Variants in OR56A3 observed in about 807,000 individuals in gnomAD.
OR56A3 encodes the protein olfactory receptor 56A3.
A neutral mutation model predicts 17.5 loss-of-function variants in OR56A3; 23 were observed. The ratio of observed to expected loss-of-function variants is 1.32; its 90% CI spans 0.95 to 1.87. OR56A3 has a LOEUF of 1.87. Among genes scored for constraint, OR56A3 ranks in the 40% most tolerant of loss-of-function variants. The probability of loss-of-function intolerance (pLI) is 0.00; values close to 1 mark genes in which losing one functional copy is unlikely to be tolerated. For synonymous variants in OR56A3, 175 were observed against 150.6 expected (o/e 1.16, Z -1.19); for missense variants, 366 against 380.1 (o/e 0.96, Z 0.31).
chr11:5,969,878 A>T, the OR56A3 span, among the ~76,000 whole-genome samples: 4 of 152,142 alleles, frequency 2.6e-5, no homozygotes, highest in Non-Finnish European at 4.4e-5. Context: ...TGAGGATGAG[A>T]AAAATGGGCA....
chr11:6,002,514 A>T, the OR56A3 span: 102 of 1,614,134 alleles, frequency 6.3e-5, no homozygotes, highest in Non-Finnish European at 8.3e-5. Flanking sequence ...GGGAACAGGA[A>T]GAGAAACAAA....
Position 5,951,347 on chromosome 11 carries a change from T to C in OR56A3, c.*3053T>C, listed in dbSNP as rs1241690424. ...TCATTAAATTTTTCTTTACATCATT[T>C]ACACACACATAGATCTGAGTATTTG... On this transcript the variant is annotated 3_prime_UTR_variant, in exon 3 of 3. Transcript: ENST00000641160. The C allele has an allele frequency of 1.3e-5, 2 of 152,186 alleles. No homozygotes were observed. Among genetic ancestry groups the C allele is most frequent in the Non-Finnish European group, 2.9e-5 (2 of 68,018 alleles). 9.4% of individuals were successfully genotyped at this position (152,186 alleles called of 1,614,324 possible).
chr11:5,952,324 A>G (rs1847912419), downstream of OR56A3, among the ~76,000 whole-genome samples: 1 of 152,174 alleles, frequency 6.6e-6, no homozygotes, highest in Non-Finnish European at 1.5e-5. Context: ...CTTTTGAGCC[A>G]AAGCAGGAAC....
the OR56A3 span, chr11:6,002,665 A>T: frequency 1.2e-6 from 2 of 1,614,240 alleles, no homozygotes; most frequent in Non-Finnish European, 1.7e-6. Flanking sequence ...ATGGTCAAAA[A>T]ACTGTTCATG....
At chr11:5,995,102 G>A in the OR56A3 span, 4 of 593,338 alleles carry the variant, frequency 6.7e-6, no homozygotes, top group Non-Finnish European at 9.2e-6. Context: ...CTGGGCGGCT[G>A]GACGCAGCCC....
chr11:5,946,665 A>G (rs1352790569), intron 2 of OR56A3, among the ~76,000 whole-genome samples: 1 of 152,248 alleles, frequency 6.6e-6, no homozygotes, highest in Non-Finnish European at 1.5e-5. Flanking sequence ...GGAAGCCTAA[A>G]AATATGAACA....
At chr11:6,001,601 C>G in the OR56A3 span, 4 of 155,850 alleles carry the variant, frequency 2.6e-5, no homozygotes, top group African/African-American at 7.2e-5. Flanking sequence ...GGACTTAACC[C>G]AAGCCATGCC....
At chr11:5,970,849 T>C in the OR56A3 span, among the ~76,000 whole-genome samples, 1 of 152,216 alleles carries the variant, frequency 6.6e-6, no homozygotes, top group Non-Finnish European at 1.5e-5. Flanking sequence ...TTATTTCATG[T>C]TGTTTTTACA....
At chr11:5,958,983 G>A in the OR56A3 span, among the ~76,000 whole-genome samples, 1 of 152,164 alleles carries the variant, frequency 6.6e-6, no homozygotes, top group Non-Finnish European at 1.5e-5. Context: ...TGGCTGAATA[G>A]TATTTCATTA....
the OR56A3 span, among the ~76,000 whole-genome samples, chr11:5,990,757 T>G: frequency 2.6e-5 from 4 of 152,092 alleles, no homozygotes; most frequent in African/African-American, 9.7e-5. Context: ...ACAACATGGA[T>G]AATAAAGTAA....
Position 5,950,027 on chromosome 11 carries a change from C to T in OR56A3, c.*1733C>T, listed in dbSNP as rs1847898706. ...TTTCAACATAAGAAAAATGGCTTGACTTGAAATGTGAATAACCGTATACCA... is the reference window on the plus strand; with the variant it reads ...TTTCAACATAAGAAAAATGGCTTGATTTGAAATGTGAATAACCGTATACCA... On this transcript the variant is annotated 3_prime_UTR_variant, in exon 3 of 3. Transcript: ENST00000641160. 1 of 152,076 alleles carries T rather than the reference C, an allele frequency of 6.6e-6. No homozygotes were observed. The highest frequency in any genetic ancestry group is 2.1e-4 in the South Asian group (1 of 4,828). The allele number at this position is 152,076 out of a possible 1,614,324, so 9.4% of individuals were successfully genotyped here.
At chr11:6,005,729 C>T in the OR56A3 span, among the ~76,000 whole-genome samples, 1 of 152,304 alleles carries the variant, frequency 6.6e-6, no homozygotes, top group Admixed American at 6.5e-5. Context: ...GAGGTGGCAC[C>T]TTCTCATTGT....
intron 1 of OR56A3, among the ~76,000 whole-genome samples, chr11:5,944,194 T>G (rs763698157): frequency 5.9e-5 from 9 of 152,118 alleles, no homozygotes; most frequent in Non-Finnish European, 1.0e-4. Flanking sequence ...ATGGCAAAAA[T>G]ATTAGAAAAG....
At chr11:5,977,543 C>T in the OR56A3 span, among the ~76,000 whole-genome samples, 171 of 152,236 alleles carry the variant, frequency 1.1e-3, no homozygotes, top group African/African-American at 3.9e-3. Context: ...GCCATTTGCT[C>T]ATTTTTTAAT....
chr11:5,979,417 A>G, the OR56A3 span, among the ~76,000 whole-genome samples: 3 of 151,988 alleles, frequency 2.0e-5, no homozygotes, highest in Admixed American at 2.0e-4. Context: ...TGGTCTGTGC[A>G]GGGTTTCAAT....
the OR56A3 span, chr11:6,006,411 T>C: frequency 6.6e-6 from 1 of 152,216 alleles, no homozygotes; most frequent in Admixed American, 6.5e-5. Context: ...AGACTGATAT[T>C]CACAAAGGAG....
At chr11:5,967,767 G>A in the OR56A3 span, 11 of 1,598,186 alleles carry the variant, frequency 6.9e-6, no homozygotes, top group Non-Finnish European at 9.4e-6. Context: ...GGAACCACAA[G>A]TACCTAGAGC....
the OR56A3 span, among the ~76,000 whole-genome samples, chr11:6,014,989 CA>C: frequency 0.035 from 1,233 of 35,100 alleles, 4 homozygotes; most frequent in Middle Eastern, 0.11. Context: ...TATTCATGGG[CA>C]AAAAAAAAAA....
rs756689477 is a variant in OR56A3, at chr11:5,947,485, A to G, written c.139A>G (p.Thr47Ala). Residue 47 changes from threonine (T) to alanine (A), a missense_variant, in exon 3 of 3, where the codon ACC becomes GCC. Physicochemically the swap from Thr to Ala is moderately conservative, Grantham distance 58 (BLOSUM62 0). Transcript: ENST00000641160. ...TTTCCTCTTGGCCGTAGGGGCCAACACCACCCTCCTGATGACCATCTGGCT... is the reference window on the plus strand; with the variant it reads ...TTTCCTCTTGGCCGTAGGGGCCAACGCCACCCTCCTGATGACCATCTGGCT... ...LLFLLAVGAN[T>A]TLLMTIWLEA... 1 of 1,613,814 alleles carries G rather than the reference A, an allele frequency of 6.2e-7. No individual in the cohort carries two copies. Among genetic ancestry groups the G allele is most frequent in the South Asian group, 1.1e-5 (1 of 91,056 alleles).
Sources: gnomAD v4.1 joint callset for allele counts (sites outside exome capture counted in the v4.1 genomes callset) on GRCh38, gnomAD v4.1.1 for gene constraint, MANE v1.5 for transcripts, NCBI Gene and HGNC (gene_info 2026-07-23, HGNC 2026-07-21) for gene names.